The following RALGPS1 variants were observed in gnomAD, a reference collection of about 807,000 sequenced individuals.
RALGPS1 encodes the protein Ral GEF with PH domain and SH3 binding motif 1.
A neutral mutation model predicts 78.8 loss-of-function variants in RALGPS1; 19 were observed. The ratio of observed to expected loss-of-function variants is 0.24; its 90% confidence interval spans 0.17 to 0.35. The LOEUF (loss-of-function observed/expected upper bound fraction) is 0.35. Among genes scored for constraint, RALGPS1 ranks in the 10% least tolerant of loss-of-function variants. The probability of loss-of-function intolerance (pLI) is 1.00; values close to 1 mark genes in which losing one functional copy is unlikely to be tolerated. For missense variants in RALGPS1, 454 were observed against 688.3 expected, an observed-to-expected ratio of 0.66 and a Z score of 3.81; for synonymous variants, 228 against 256.3, an observed-to-expected ratio of 0.89 and a Z score of 1.06.
At chr9:127,067,061 T>G (rs1207932100) in intron 7 of RALGPS1, among the ~76,000 whole-genome samples, 2 of 152,216 alleles carry the variant, frequency 1.3e-5, no homozygotes, top group African/African-American at 4.8e-5. Context: ...TTTGGAAAAG[T>G]TACTTAATAC....
chr9:127,182,788 G>A (rs2060362407), intron 11 of RALGPS1, among the ~76,000 whole-genome samples: 1 of 152,036 alleles, frequency 6.6e-6, no homozygotes, highest in South Asian at 2.1e-4. Context: ...TAATGCAAAT[G>A]TACTAATACA....
At chr9:127,134,461 G>GA (rs1311982248) in intron 8 of RALGPS1, among the ~76,000 whole-genome samples, 5 of 152,104 alleles carry the variant, frequency 3.3e-5, no homozygotes, top group African/African-American at 7.2e-5. Flanking sequence ...TCTGGGTTTT[G>GA]AAAAAATCTA....
intron 4 of RALGPS1, among the ~76,000 whole-genome samples, chr9:127,028,965 C>T (rs1265913157): frequency 6.6e-6 from 1 of 152,058 alleles, no homozygotes; most frequent in Non-Finnish European, 1.5e-5. Context: ...GAGCCAGCCC[C>T]TCTGCCAGAT....
chr9:126,921,789 G>T (rs1010316103), intron 1 of RALGPS1, among the ~76,000 whole-genome samples: 2 of 152,226 alleles, frequency 1.3e-5, no homozygotes, highest in Non-Finnish European at 2.9e-5. Flanking sequence ...GGGTTTCAGG[G>T]AGACGCTACA....
At chr9:127,060,164 G>A (rs1053861392) in intron 7 of RALGPS1, among the ~76,000 whole-genome samples, 1 of 152,148 alleles carries the variant, frequency 6.6e-6, no homozygotes, top group Non-Finnish European at 1.5e-5. Context: ...GCTACCCGTA[G>A]AAATCAGAGA....
intron 4 of RALGPS1, among the ~76,000 whole-genome samples, chr9:126,982,698 C>G (rs2041362604): frequency 6.6e-6 from 1 of 152,050 alleles, no homozygotes. Context: ...GCCTCAGCCC[C>G]CTGCCCTGCT....
intron 11 of RALGPS1, among the ~76,000 whole-genome samples, chr9:127,193,507 C>G (rs2061191193): frequency 6.6e-6 from 1 of 152,156 alleles, no homozygotes; most frequent in Non-Finnish European, 1.5e-5. Flanking sequence ...AGCACTCAGC[C>G]AGCACAGGAG....
At chr9:127,131,071 C>T (rs1196289926) in intron 8 of RALGPS1, among the ~76,000 whole-genome samples, 1 of 152,184 alleles carries the variant, frequency 6.6e-6, no homozygotes, top group Admixed American at 6.5e-5. Flanking sequence ...ATTGGCCGCT[C>T]CTTGGTGACT....
At chr9:126,989,623 A>C (rs890368396) in intron 4 of RALGPS1, among the ~76,000 whole-genome samples, 10 of 152,162 alleles carry the variant, frequency 6.6e-5, no homozygotes, top group African/African-American at 2.2e-4. Flanking sequence ...CTCTCCCTCT[A>C]GTCCTCATTG....
At chr9:127,174,544 G>A (rs1303842357) in intron 10 of RALGPS1, among the ~76,000 whole-genome samples, 171 bp from the exon 11 acceptor site, 1 of 152,118 alleles carries the variant, frequency 6.6e-6, no homozygotes, top group Non-Finnish European at 1.5e-5. Flanking sequence ...CTTAACCATT[G>A]TTTCTTGGCT....
chr9:127,067,148 G>A (rs1395606743), intron 7 of RALGPS1, among the ~76,000 whole-genome samples: 1 of 152,160 alleles, frequency 6.6e-6, no homozygotes, highest in Non-Finnish European at 1.5e-5. Context: ...GATTAGATGA[G>A]TTATATATTA....
chr9:127,049,126 C>T lies in RALGPS1; in HGVS notation c.301-917C>T, dbSNP rs963381795. The stretch of plus-strand genomic sequence containing the variant: ...CTTCTTTTTAATTCTCCCTATGCCC[C>T]GTGCTTTGCCTGGCTCTCCACCTTT... On this transcript the variant is annotated intron_variant, in intron 5 of 18. Coordinates refer to ENST00000259351, the MANE Select transcript of RALGPS1 (RefSeq NM_014636.3). 2.0e-5 allele frequency among the ~76,000 whole-genome samples: 3 copies of T among 152,200 alleles called. No individual in the cohort carries two copies. In the South Asian group the frequency reaches 6.2e-4, roughly 32 times the overall value.
intron 8 of RALGPS1, among the ~76,000 whole-genome samples, chr9:127,082,317 C>T (rs2051257719): frequency 6.6e-6 from 1 of 152,188 alleles, no homozygotes; most frequent in Non-Finnish European, 1.5e-5. Context: ...ATTGGTAGCC[C>T]AGGGAGCTGT....
chr9:127,018,204 C>T (rs963935505), intron 4 of RALGPS1, among the ~76,000 whole-genome samples: 1 of 151,878 alleles, frequency 6.6e-6, no homozygotes, highest in East Asian at 1.9e-4. Context: ...GACAGCAAGA[C>T]TCCGTCTCAA....
chr9:127,038,043 C>T (rs2047004209), intron 5 of RALGPS1, among the ~76,000 whole-genome samples: 1 of 152,186 alleles, frequency 6.6e-6, no homozygotes, highest in Admixed American at 6.5e-5. Context: ...CTTCTTTTCT[C>T]TTGTACTCTT....
chr9:126,986,887 T>C (rs1233084342), intron 4 of RALGPS1, among the ~76,000 whole-genome samples: 1 of 152,174 alleles, frequency 6.6e-6, no homozygotes, highest in African/African-American at 2.4e-5. Flanking sequence ...TATGCCTTGA[T>C]TTTCTCATGT....
At chr9:127,062,000 G>C (rs1286739410) in intron 7 of RALGPS1, among the ~76,000 whole-genome samples, 1 of 152,164 alleles carries the variant, frequency 6.6e-6, no homozygotes. Context: ...AAATAAATGA[G>C]AAAATTATCC....
chr9:127,115,721 G>A (rs996740549), intron 8 of RALGPS1, among the ~76,000 whole-genome samples: 3 of 152,238 alleles, frequency 2.0e-5, no homozygotes, highest in Non-Finnish European at 4.4e-5. Flanking sequence ...GACTGAATAA[G>A]TAGAAATAGC....
At chr9:126,974,357 C>G (rs1244116533) in intron 3 of RALGPS1, among the ~76,000 whole-genome samples, 1 of 152,162 alleles carries the variant, frequency 6.6e-6, no homozygotes, top group Admixed American at 6.5e-5. Context: ...GCTGATTACT[C>G]TGTTCTGTGC....
Sources: allele counts gnomAD v4.1 joint callset (sites outside exome capture counted in the v4.1 genomes callset), GRCh38; gene constraint gnomAD v4.1.1; transcripts MANE v1.5; gene names NCBI Gene and HGNC (gene_info 2026-07-23, HGNC 2026-07-21).